Variants in ERBB4 observed in about 807,000 individuals in gnomAD.
ERBB4 encodes receptor tyrosine-protein kinase erbB-4.
ERBB4 carries 42 observed loss-of-function variants against 158.0 expected under a neutral mutation model. That is an observed-to-expected ratio of 0.27 (90% CI 0.21 to 0.34). The LOEUF (loss-of-function observed/expected upper bound fraction) is 0.34, where lower values mean the gene tolerates loss of function less well. ERBB4 is among the 10% of genes least tolerant of loss of function. ERBB4 has a pLI of 1.00. For synonymous variants in ERBB4, 583 were observed against 558.7 expected (o/e 1.04, Z -0.61); for missense variants, 1,333 against 1,624.1 (o/e 0.82, Z 3.08).
chr2:212,131,472 C>T (rs1411382377), intron 1 of ERBB4, among the ~76,000 whole-genome samples: 3 of 152,046 alleles, frequency 2.0e-5, no homozygotes, highest in Non-Finnish European at 4.4e-5. Flanking sequence ...TAAATAAGTA[C>T]CGGGTTTCCA....
At chr2:212,246,165 A>C (rs1453489009) in intron 1 of ERBB4, among the ~76,000 whole-genome samples, 1 of 152,214 alleles carries the variant, frequency 6.6e-6, no homozygotes, top group Admixed American at 6.5e-5. Flanking sequence ...TGGAAATGAC[A>C]GTTCACGTGT....
At chr2:211,592,213 A>T (rs2068492492) in intron 19 of ERBB4, among the ~76,000 whole-genome samples, 1 of 152,030 alleles carries the variant, frequency 6.6e-6, no homozygotes, top group African/African-American at 2.4e-5. Flanking sequence ...TATCAATCGG[A>T]TGAATTCCTG....
intron 12 of ERBB4, among the ~76,000 whole-genome samples, chr2:211,691,745 G>A (rs1038838675): frequency 1.3e-5 from 2 of 151,990 alleles, no homozygotes; most frequent in African/African-American, 2.4e-5. Context: ...AAGGCAAAGG[G>A]GTGGGGGAAA....
intron 1 of ERBB4, among the ~76,000 whole-genome samples, chr2:212,224,129 C>A (rs188228589): frequency 6.6e-6 from 1 of 151,752 alleles, no homozygotes; most frequent in African/African-American, 2.4e-5. Flanking sequence ...CAATTAAATG[C>A]ATTTTTGCTA....
chr2:212,302,329 A>G (rs1357988940), intron 1 of ERBB4, among the ~76,000 whole-genome samples: 1 of 151,442 alleles, frequency 6.6e-6, no homozygotes, highest in African/African-American at 2.4e-5. Context: ...ATTTAATACA[A>G]ATGTTTAATA....
At chr2:212,238,381 T>A (rs1280868455) in intron 1 of ERBB4, among the ~76,000 whole-genome samples, 1 of 152,152 alleles carries the variant, frequency 6.6e-6, no homozygotes, top group Non-Finnish European at 1.5e-5. Context: ...CTATCCTGCT[T>A]CAGCTCACCC....
intron 1 of ERBB4, among the ~76,000 whole-genome samples, chr2:212,353,698 G>A (rs895552414): frequency 9.2e-5 from 14 of 152,082 alleles, no homozygotes; most frequent in Non-Finnish European, 1.6e-4. Flanking sequence ...AGTACAGTGT[G>A]TAAAAGTGTG....
At chr2:212,384,876 T>C (rs557116434) in intron 1 of ERBB4, among the ~76,000 whole-genome samples, 1 of 140,094 alleles carries the variant, frequency 7.1e-6, no homozygotes, top group South Asian at 2.2e-4. Context: ...TGTTCTTAAA[T>C]TCCATGTTTG....
chr2:212,478,629 C>T (rs1689528245), intron 1 of ERBB4, among the ~76,000 whole-genome samples: 1 of 151,934 alleles, frequency 6.6e-6, no homozygotes, highest in South Asian at 2.1e-4. Context: ...AGTTCCAGGT[C>T]CCTGATGCCA....
chr2:211,646,409 G>A (rs1371231403), intron 16 of ERBB4, among the ~76,000 whole-genome samples: 1 of 151,350 alleles, frequency 6.6e-6, no homozygotes, highest in African/African-American at 2.4e-5. Flanking sequence ...TACTTGCTTT[G>A]GATTTAAAAG....
chr2:212,485,573 A>G (rs996320752), intron 1 of ERBB4, among the ~76,000 whole-genome samples: 1 of 152,238 alleles, frequency 6.6e-6, no homozygotes, highest in Non-Finnish European at 1.5e-5. Flanking sequence ...TCCAAGATGA[A>G]TATGTCAGTA....
chr2:212,247,652 T>C (rs889904065), intron 1 of ERBB4, among the ~76,000 whole-genome samples: 2 of 152,184 alleles, frequency 1.3e-5, no homozygotes, highest in Non-Finnish European at 2.9e-5. Context: ...TAATATTTTA[T>C]CATAGTACTT....
intron 20 of ERBB4, among the ~76,000 whole-genome samples, chr2:211,486,236 C>T: frequency 6.6e-6 from 1 of 152,076 alleles, no homozygotes; most frequent in East Asian, 1.9e-4. Context: ...TTAATTAACA[C>T]TGCTTGCTCC....
At chr2:212,305,706 A>G (rs1183403771) in intron 1 of ERBB4, among the ~76,000 whole-genome samples, 1 of 151,426 alleles carries the variant, frequency 6.6e-6, no homozygotes, top group Non-Finnish European at 1.5e-5. Context: ...AAATAACTAC[A>G]TGGCAACACT....
At chr2:212,263,456 T>C (rs2085017029) in intron 1 of ERBB4, among the ~76,000 whole-genome samples, 2 of 152,150 alleles carry the variant, frequency 1.3e-5, no homozygotes, top group South Asian at 4.1e-4. Context: ...GGATTCCTCT[T>C]GGATTACAGC....
intron 25 of ERBB4, among the ~76,000 whole-genome samples, chr2:211,410,244 C>A (rs2063229882): frequency 6.6e-6 from 1 of 152,160 alleles, no homozygotes; most frequent in Non-Finnish European, 1.5e-5. Context: ...TATATATATA[C>A]ACACATTGCC....
At chr2:212,470,236 G>T (rs1289615591) in intron 1 of ERBB4, among the ~76,000 whole-genome samples, 1 of 151,926 alleles carries the variant, frequency 6.6e-6, no homozygotes, top group Non-Finnish European at 1.5e-5. Context: ...ATAAAGTAAA[G>T]ATTATGTTCT....
rs2062612655 is a variant in ERBB4, at chr2:211,383,476, A to G, written c.*139T>C. On this transcript the variant is annotated 3_prime_UTR_variant, in exon 28 of 28. Coordinates refer to ENST00000342788, the MANE Select transcript of ERBB4 (RefSeq NM_005235.3). ...GTTCAAGTTAGGTAAGCACATAACT[A>G]TCATTGCATCTCTGTATCTTCCACT... is the stretch of plus-strand genomic sequence containing the variant. The G allele has an allele frequency of 2.8e-6, 2 of 702,506 alleles. No individual in the cohort carries two copies. Among genetic ancestry groups the G allele is most frequent in the East Asian group, 2.7e-5 (1 of 37,588 alleles). 43.5% of individuals were successfully genotyped at this position (702,506 alleles called of 1,614,324 possible).
In ERBB4 at chr2:211,416,270, T is replaced by G. The variant is rs558175869; in HGVS notation, c.3135+4171A>C. 6.6e-5 allele frequency among the ~76,000 whole-genome samples: 10 copies of G among 152,042 alleles called. 1 individual carries two copies. In the South Asian group the frequency reaches 2.1e-3, roughly 32 times the overall value. The stretch of plus-strand genomic sequence containing the variant: ...TTCATTTAATATACAATTTATTATA[T>G]CAAAAAAATATAATTCTAGGTAACT... On this transcript the variant is annotated intron_variant, in intron 25 of 27. Transcript: ENST00000342788.
Sources: allele counts gnomAD v4.1 joint callset (sites outside exome capture counted in the v4.1 genomes callset), GRCh38; gene constraint gnomAD v4.1.1; transcripts MANE v1.5; gene names NCBI Gene and HGNC (gene_info 2026-07-23, HGNC 2026-07-21).